ABCC4: variants seen among roughly 807,000 people sequenced by gnomAD.
ABCC4 encodes the protein ATP binding cassette subfamily C member 4 (PEL blood group).
Under a neutral mutation model 168.5 loss-of-function variants are expected in ABCC4, and 102 were observed. The ratio of observed to expected loss-of-function variants is 0.61; its 90% CI spans 0.52 to 0.71. The LOEUF (loss-of-function observed/expected upper bound fraction) is 0.71. Among genes scored for constraint, ABCC4 ranks in the 30% least tolerant of loss-of-function variants. ABCC4 has a pLI of 0.00. For missense variants in ABCC4, 1,402 were observed against 1,605.8 expected (o/e 0.87, Z 2.17); for synonymous variants, 617 against 590.7 (o/e 1.04, Z -0.65).
At chr13:95,102,775 C>T (rs918778572) in intron 20 of ABCC4, among the ~76,000 whole-genome samples, 1 of 151,476 alleles carries the variant, frequency 6.6e-6, no homozygotes, top group Non-Finnish European at 1.5e-5. Flanking sequence ...GGCCCGCCAC[C>T]ACGCCCAGCT....
chr13:95,049,766 C>T (rs2032751294), intron 27 of ABCC4, among the ~76,000 whole-genome samples: 2 of 152,114 alleles, frequency 1.3e-5, no homozygotes, highest in African/African-American at 4.8e-5. Context: ...TTACCCTTTC[C>T]AAGGGATCAT....
intron 20 of ABCC4, among the ~76,000 whole-genome samples, chr13:95,103,383 C>T (rs1436617689): frequency 6.6e-6 from 1 of 152,174 alleles, no homozygotes; most frequent in Non-Finnish European, 1.5e-5. Flanking sequence ...CCTAAACAGA[C>T]CACATAAATG....
chr13:95,256,294 G>A lies in ABCC4; in HGVS notation c.75-8541C>T, dbSNP rs1399517520. 2.6e-5 allele frequency among the ~76,000 whole-genome samples: 4 copies of A among 152,314 alleles called. No individual in the cohort carries two copies. The East Asian group carries it at 5.8e-4, about 22-fold the overall frequency. ...AAGTTATGCGGCTGACTCATAAGGA[G>A]ATGAAAGCATTGTTCATTGCAACTA... is the stretch of plus-strand genomic sequence containing the variant. On this transcript the variant is annotated intron_variant, in intron 1 of 30. Transcript: ENST00000645237.
intron 30 of ABCC4, among the ~76,000 whole-genome samples, chr13:95,033,738 C>G (rs1404342540): frequency 6.6e-6 from 1 of 151,792 alleles, no homozygotes; most frequent in Non-Finnish European, 1.5e-5. Context: ...TCTTGGCCCA[C>G]CGCAACCTCC....
At chr13:95,276,359 G>A (rs996631219) in intron 1 of ABCC4, among the ~76,000 whole-genome samples, 8 of 146,866 alleles carry the variant, frequency 5.4e-5, no homozygotes, top group Admixed American at 2.1e-4. Flanking sequence ...AGGCTGCAGT[G>A]AGCCATGATC....
chr13:95,025,020 C>T (rs1258900918), intron 30 of ABCC4, among the ~76,000 whole-genome samples: 1 of 151,894 alleles, frequency 6.6e-6, no homozygotes, highest in African/African-American at 2.4e-5. Flanking sequence ...TGGAGGAGCG[C>T]TAAGGTATGT....
intron 19 of ABCC4, chr13:95,149,049 G>C (rs2036591112): frequency 1.3e-5 from 2 of 152,108 alleles, no homozygotes; most frequent in Admixed American, 6.6e-5. Context: ...CTATTCATCT[G>C]GTCTAAAGAC....
intron 10 of ABCC4, 36 bp downstream of exon 10, chr13:95,188,417 G>C (rs749668508): frequency 6.3e-7 from 1 of 1,583,746 alleles, no homozygotes; most frequent in Non-Finnish European, 8.7e-7. Flanking sequence ...TGATAAGTGG[G>C]GTTGCAACAA....
intron 19 of ABCC4, among the ~76,000 whole-genome samples, chr13:95,123,035 G>A (rs1055161931): frequency 2.6e-4 from 39 of 152,308 alleles, no homozygotes; most frequent in African/African-American, 8.9e-4. Context: ...TCAAAAGTAT[G>A]TATGTGTTCT....
chr13:95,278,117 TACA>T (rs1244798747), intron 1 of ABCC4, among the ~76,000 whole-genome samples: 1 of 110,150 alleles, frequency 9.1e-6, no homozygotes, highest in African/African-American at 3.3e-5. Flanking sequence ...AAGCACAGGT[TACA>T]GGTTATTTCT....
chr13:95,140,806 C>T (rs772132491), intron 19 of ABCC4, among the ~76,000 whole-genome samples: 9 of 152,094 alleles, frequency 5.9e-5, no homozygotes, highest in African/African-American at 2.2e-4. Context: ...ATATTCTGCC[C>T]GACATTTTCC....
At chr13:95,157,623 T>C (rs1316161787) in intron 19 of ABCC4, among the ~76,000 whole-genome samples, 1 of 152,228 alleles carries the variant, frequency 6.6e-6, no homozygotes, top group Non-Finnish European at 1.5e-5. Context: ...CATTTTATCC[T>C]GCTAGCTTAA....
chr13:95,238,195 G>GAAAAAA (rs10644641), intron 3 of ABCC4, among the ~76,000 whole-genome samples: 29 of 65,686 alleles, frequency 4.4e-4, no homozygotes, highest in East Asian at 9.6e-4. Flanking sequence ...CTCCATCTCA[G>GAAAAAA]AAAAAAAAAA....
chr13:95,144,048 T>C (rs1378266521), intron 19 of ABCC4, among the ~76,000 whole-genome samples: 5 of 152,074 alleles, frequency 3.3e-5, no homozygotes, highest in Non-Finnish European at 5.9e-5. Flanking sequence ...ATATCAACAT[T>C]ACACACACAC....
At chr13:95,179,926 G>C (rs2037834388) in intron 11 of ABCC4, among the ~76,000 whole-genome samples, 1 of 152,038 alleles carries the variant, frequency 6.6e-6, no homozygotes, top group Non-Finnish European at 1.5e-5. Context: ...TAAAGTAAGG[G>C]TATGAACTCT....
chr13:95,093,464 CA>C (rs1445906581), intron 20 of ABCC4, among the ~76,000 whole-genome samples: 1 of 152,106 alleles, frequency 6.6e-6, no homozygotes, highest in Admixed American at 6.6e-5. Flanking sequence ...TCAATAGATG[CA>C]GAAAAAGCAT....
At position 95,126,323 on chromosome 13, in the gene ABCC4, C is replaced by T. The variant is rs143351018; in HGVS notation, c.2456-10322G>A. On this transcript the variant is annotated intron_variant, in intron 19 of 30. Transcript: ENST00000645237. ...GTTCCCACAGAGATGGTGGCAGCAACGCATATTTATACAGCATTCACCTAG... is the reference window on the plus strand; with the variant it reads ...GTTCCCACAGAGATGGTGGCAGCAATGCATATTTATACAGCATTCACCTAG... 4.3e-3 allele frequency among the ~76,000 whole-genome samples: 655 copies of T among 152,190 alleles called. 10 individuals carry two copies. Among genetic ancestry groups the T allele is most frequent in the African/African-American group, 0.015 (620 of 41,510 alleles).
intron 3 of ABCC4, among the ~76,000 whole-genome samples, chr13:95,237,251 T>C (rs4148454): frequency 0.22 from 33,765 of 152,128 alleles, 4,081 homozygotes; most frequent in East Asian, 0.44. Context: ...ATGGGCTCAT[T>C]GGTGAGTAAT....
At chr13:95,272,414 T>A (rs2040869397) in intron 1 of ABCC4, among the ~76,000 whole-genome samples, 1 of 152,160 alleles carries the variant, frequency 6.6e-6, no homozygotes, top group Non-Finnish European at 1.5e-5. Context: ...ATACTGTTCA[T>A]TTGCCCTAAA....
Sources: gnomAD v4.1 joint callset for allele counts (sites outside exome capture counted in the v4.1 genomes callset) on GRCh38, gnomAD v4.1.1 for gene constraint, MANE v1.5 for transcripts, NCBI Gene and HGNC (gene_info 2026-07-23, HGNC 2026-07-21) for gene names.